The following SEZ6L variants were observed in gnomAD, a reference collection of about 807,000 sequenced individuals.
SEZ6L encodes seizure related 6 homolog like.
SEZ6L carries 37 observed loss-of-function variants against 106.2 expected under a neutral mutation model. That is an observed-to-expected ratio of 0.35 (90% CI 0.27 to 0.46). The LOEUF is 0.46. SEZ6L is among the 20% of genes least tolerant of loss of function. The pLI is 1.00. For synonymous variants in SEZ6L, 541 were observed against 570.4 expected (o/e 0.95, Z 0.73); for missense variants, 1,172 against 1,332.8 (o/e 0.88, Z 1.88).
At position 26,202,105 on chromosome 22, in the gene SEZ6L, G is replaced by A. The variant is rs545992423; in HGVS notation, c.94+32342G>A. ...ATTTTTTTGTATTTTTAGTAGAGAC[G>A]GGGTTTCACTGTGTTAGCCAGGATA... On this transcript the variant is annotated intron_variant, in intron 1 of 16. Coordinates refer to ENST00000248933, the MANE Select transcript of SEZ6L (RefSeq NM_021115.5). 6.6e-5 allele frequency among the ~76,000 whole-genome samples: 10 copies of A among 152,056 alleles called. No individual in the cohort carries two copies. In the South Asian group the frequency reaches 1.2e-3, roughly 19 times the overall value.
rs530007890 is a variant in SEZ6L, at chr22:26,190,052, G to A, written c.94+20289G>A. On this transcript the variant is annotated intron_variant, in intron 1 of 16. Coordinates refer to ENST00000248933, the MANE Select transcript of SEZ6L (RefSeq NM_021115.5). ...GCGGAGCTTGCAGTGAGCCAAGATGGCGCCACTGCACTCCAGCCTGGGCGA... is the reference window on the plus strand; with the variant it reads ...GCGGAGCTTGCAGTGAGCCAAGATGACGCCACTGCACTCCAGCCTGGGCGA... 7.3e-5 allele frequency among the ~76,000 whole-genome samples: 11 copies of A among 151,562 alleles called. No individual in the cohort carries two copies. The South Asian group carries it at 2.3e-3, about 32-fold the overall frequency.
intron 10 of SEZ6L, among the ~76,000 whole-genome samples, chr22:26,341,893 A>G (rs1371048485): frequency 6.6e-6 from 1 of 152,184 alleles, no homozygotes; most frequent in East Asian, 1.9e-4. Context: ...CCCAGATGTC[A>G]GAGGACTGGG....
At chr22:26,220,363 C>T (rs9624997) in intron 1 of SEZ6L, among the ~76,000 whole-genome samples, 5 of 152,164 alleles carry the variant, frequency 3.3e-5, no homozygotes, top group Admixed American at 6.5e-5. Flanking sequence ...GTAATAACAG[C>T]GAATCTGCCA....
chr22:26,199,763 G>A (rs1940808612), intron 1 of SEZ6L, among the ~76,000 whole-genome samples: 2 of 152,154 alleles, frequency 1.3e-5, no homozygotes, highest in Non-Finnish European at 2.9e-5. Context: ...TCCTCTTTCA[G>A]CATGACAAGA....
intron 12 of SEZ6L, among the ~76,000 whole-genome samples, chr22:26,363,368 T>C (rs2083699019): frequency 6.6e-6 from 1 of 152,228 alleles, no homozygotes; most frequent in Non-Finnish European, 1.5e-5. Flanking sequence ...ATTATATCTG[T>C]TTTATTCACC....
In SEZ6L at chr22:26,232,245, A is replaced by T. The variant is rs186724059; in HGVS notation, c.95-60161A>T. Among the ~76,000 whole-genome samples the T allele has an allele frequency of 5.3e-5, 8 of 152,120 alleles. No homozygotes were observed. The East Asian group carries it at 1.5e-3, about 29-fold the overall frequency. On this transcript the variant is annotated intron_variant, in intron 1 of 16. Coordinates refer to ENST00000248933, the MANE Select transcript of SEZ6L (RefSeq NM_021115.5). Reference sequence around the variant, plus strand: ...CCAGGAAAAGTCCTTACCCGAAAGGAGTCTCAGTTTCCCCATCTATGAAAG... The same window carrying T: ...CCAGGAAAAGTCCTTACCCGAAAGGTGTCTCAGTTTCCCCATCTATGAAAG...
At chr22:26,191,552 A>G (rs973057611) in intron 1 of SEZ6L, among the ~76,000 whole-genome samples, 7 of 133,692 alleles carry the variant, frequency 5.2e-5, no homozygotes, top group African/African-American at 2.0e-4. Context: ...ACATGGACAC[A>G]TGGTGGAGAA....
At chr22:26,339,699 C>CAT (rs1247293018) in intron 9 of SEZ6L, among the ~76,000 whole-genome samples, 2 of 152,170 alleles carry the variant, frequency 1.3e-5, no homozygotes, top group African/African-American at 2.4e-5. Flanking sequence ...ATGGAAAGAT[C>CAT]ATTTCACCTT....
chr22:26,258,813 C>A (rs1405651741), intron 1 of SEZ6L, among the ~76,000 whole-genome samples: 1 of 152,082 alleles, frequency 6.6e-6, no homozygotes, highest in Non-Finnish European at 1.5e-5. Flanking sequence ...CTTGAAGGGC[C>A]TTATACACAA....
At position 26,169,654 on chromosome 22, in the gene SEZ6L, GC is replaced by G; in HGVS notation, c.-11del. The G allele has an allele frequency of 5.3e-6, 6 of 1,130,746 alleles. No individual in the cohort carries two copies. The highest frequency in any genetic ancestry group is 3.5e-5 in the Admixed American group (1 of 28,460). 70.0% of individuals were successfully genotyped at this position (1,130,746 alleles called of 1,614,324 possible). On this transcript the variant is annotated 5_prime_UTR_variant, in exon 1 of 17. Transcript: ENST00000248933. ...CCCGCCCCACAGCCAGCGGCTCCGC[GC>G]CCCCTGCAGCCACGATGCCCGCGGC...
chr22:26,289,211 A>G (rs1161992542), intron 1 of SEZ6L, among the ~76,000 whole-genome samples: 1 of 152,090 alleles, frequency 6.6e-6, no homozygotes, highest in Non-Finnish European at 1.5e-5. Context: ...TTTGTGTTGT[A>G]CCACAGCTGG....
chr22:26,344,301 C>A (rs555601918), intron 10 of SEZ6L, among the ~76,000 whole-genome samples: 1 of 152,298 alleles, frequency 6.6e-6, no homozygotes, highest in South Asian at 2.1e-4. Flanking sequence ...GTTTCCTGTT[C>A]TTTGCCCACT....
At chr22:26,318,811 C>G (rs1394036376) in intron 9 of SEZ6L, among the ~76,000 whole-genome samples, 1 of 152,066 alleles carries the variant, frequency 6.6e-6, no homozygotes, top group African/African-American at 2.4e-5. Flanking sequence ...ACTTATTTTA[C>G]CCCCATCTTT....
At chr22:26,338,808 G>A (rs953482379) in intron 9 of SEZ6L, among the ~76,000 whole-genome samples, 30 of 140,012 alleles carry the variant, frequency 2.1e-4, no homozygotes, top group Non-Finnish European at 3.9e-4. Context: ...CTCCTGCCTC[G>A]GCCTCCCAAA....
chr22:26,237,528 T>A (rs2078990257), intron 1 of SEZ6L, among the ~76,000 whole-genome samples: 1 of 152,204 alleles, frequency 6.6e-6, no homozygotes, highest in Non-Finnish European at 1.5e-5. Context: ...TGTTGGGTTG[T>A]TAGGAGGATG....
At chr22:26,225,509 G>T (rs1262036167) in intron 1 of SEZ6L, among the ~76,000 whole-genome samples, 4 of 152,212 alleles carry the variant, frequency 2.6e-5, no homozygotes, top group African/African-American at 7.2e-5. Context: ...AGTGGCCCTA[G>T]CCCAGCATCC....
intron 1 of SEZ6L, among the ~76,000 whole-genome samples, chr22:26,259,299 C>T (rs1428006918): frequency 6.6e-6 from 1 of 152,136 alleles, no homozygotes; most frequent in Non-Finnish European, 1.5e-5. Flanking sequence ...CTATCCTTGA[C>T]AATTTTTGAA....
At chr22:26,204,713 C>A (rs1941188803) in intron 1 of SEZ6L, among the ~76,000 whole-genome samples, 1 of 152,106 alleles carries the variant, frequency 6.6e-6, no homozygotes, top group Non-Finnish European at 1.5e-5. Context: ...AGGTGGAGAG[C>A]AGGTCGAAGA....
chr22:26,177,588 C>T (rs1471384631), intron 1 of SEZ6L, among the ~76,000 whole-genome samples: 1 of 152,110 alleles, frequency 6.6e-6, no homozygotes, highest in East Asian at 1.9e-4. Flanking sequence ...AAAACTGGGA[C>T]AGTATAGCAA....
Sources: gnomAD v4.1 joint callset for allele counts (sites outside exome capture counted in the v4.1 genomes callset) on GRCh38, gnomAD v4.1.1 for gene constraint, MANE v1.5 for transcripts, NCBI Gene and HGNC (gene_info 2026-07-23, HGNC 2026-07-21) for gene names.